XPO5: variants seen among roughly 807,000 people sequenced by gnomAD.
XPO5 encodes exportin-5.
A neutral mutation model predicts 160.6 loss-of-function variants in XPO5; 46 were observed. The observed-to-expected ratio is 0.29, with a 90% confidence interval of 0.23 to 0.37. The LOEUF (loss-of-function observed/expected upper bound fraction) is 0.37, where lower values mean the gene tolerates loss of function less well. Among genes scored for constraint, XPO5 ranks in the 10% least tolerant of loss-of-function variants. The pLI, the probability that XPO5 is intolerant of heterozygous loss-of-function variation, is 1.00. For missense variants in XPO5, 1,090 were observed against 1,463.9 expected (o/e 0.74, Z 4.17); for synonymous variants, 537 against 519.3 (o/e 1.03, Z -0.46).
chr6:43,563,249 C>G (rs1489548676), intron 8 of XPO5, among the ~76,000 whole-genome samples: 1 of 152,158 alleles, frequency 6.6e-6, no homozygotes, highest in African/African-American at 2.4e-5. Flanking sequence ...CTGCAGCCTC[C>G]CAAGTAGCTG....
At position 43,529,351 on chromosome 6, in the gene XPO5, G is replaced by T. The variant is rs546413926; in HGVS notation, c.2678-426C>A. ...GGGTCAAGAGAGCGAGACCATCCTG[G>T]CTAACATGGTGAAACCCCGTCTCTA... On this transcript the variant is annotated intron_variant, in intron 23 of 31. Transcript: ENST00000265351. The T allele has an allele frequency of 2.0e-3, 902 of 452,530 alleles. 7 individuals carry two copies. The highest frequency in any genetic ancestry group is 0.019 in the African/African-American group (771 of 41,294). 28.0% of individuals were successfully genotyped at this position (452,530 alleles called of 1,614,324 possible).
intron 23 of XPO5, 137 bp downstream of exon 23, chr6:43,530,551 T>C (rs1561865987): frequency 6.7e-6 from 7 of 1,037,814 alleles, no homozygotes; most frequent in Non-Finnish European, 9.3e-6. Context: ...GTGTTTTTAA[T>C]GACATGATAC....
chr6:43,537,156 T>G (rs956721972), intron 20 of XPO5, among the ~76,000 whole-genome samples: 29 of 151,230 alleles, frequency 1.9e-4, no homozygotes, highest in Admixed American at 6.6e-4. Context: ...TTTTTTTTTT[T>G]GTAGAGAAAG....
At chr6:43,535,259 C>CA (rs1554133443) in intron 20 of XPO5, among the ~76,000 whole-genome samples, 1 of 147,954 alleles carries the variant, frequency 6.8e-6, no homozygotes, top group Non-Finnish European at 1.5e-5. Context: ...GACTCTGTCT[C>CA]AAAAAACAAC....
chr6:43,542,234 C>G (rs1296717149), intron 20 of XPO5, among the ~76,000 whole-genome samples: 4 of 152,056 alleles, frequency 2.6e-5, no homozygotes, highest in Non-Finnish European at 5.9e-5. Context: ...TACTGTAACA[C>G]TTGACTAGTA....
chr6:43,529,446 C>T (rs1325003472), intron 23 of XPO5: 6 of 317,296 alleles, frequency 1.9e-5, no homozygotes, highest in South Asian at 4.9e-5. Flanking sequence ...CCCAGCTACT[C>T]GAGAAGCTAA....
chr6:43,530,828 T>A lies in XPO5; in HGVS notation c.2541-4A>T. ...TGCCTTCCCTAGGATATGAAAACTG[T>A]AAAGGGGAAAAAAAGAGCATTGAAA... On this transcript the variant is annotated splice_region_variant and splice_polypyrimidine_tract_variant and intron_variant, in intron 22 of 31. Coordinates refer to ENST00000265351, the MANE Select transcript of XPO5 (RefSeq NM_020750.3). 1 of 1,605,876 alleles carries A rather than the reference T, an allele frequency of 6.2e-7. No homozygotes were observed. Among genetic ancestry groups the A allele is most frequent in the Non-Finnish European group, 8.5e-7 (1 of 1,176,900 alleles).
At chr6:43,526,442 A>C (rs936467804) in intron 27 of XPO5, 14 of 544,112 alleles carry the variant, frequency 2.6e-5, no homozygotes, top group African/African-American at 2.5e-4. Context: ...CATTGGAATA[A>C]AGCAAGAGAA....
At chr6:43,570,739 A>C in intron 4 of XPO5, 55 bp from the exon 5 acceptor site, 3 of 1,538,308 alleles carry the variant, frequency 2.0e-6, no homozygotes, top group Non-Finnish European at 2.6e-6. Context: ...CATTTTATGT[A>C]TATCCAAAGG....
At chr6:43,525,817 A>T in intron 28 of XPO5, 22 bp downstream of exon 28, 1 of 1,613,348 alleles carries the variant, frequency 6.2e-7, no homozygotes, top group African/African-American at 1.3e-5. Flanking sequence ...GAGTAAAGGT[A>T]TCACCTGCTC....
At chr6:43,524,721 T>G in intron 30 of XPO5, 86 bp from the exon 31 acceptor site, 1 of 1,586,512 alleles carries the variant, frequency 6.3e-7, no homozygotes, top group Non-Finnish European at 8.6e-7. Context: ...TTCTCAGAGA[T>G]TGCACCAGCA....
At chr6:43,526,865 G>T in intron 26 of XPO5, 118 bp from the exon 27 acceptor site, 17 of 1,016,126 alleles carry the variant, frequency 1.7e-5, no homozygotes, top group Non-Finnish European at 2.6e-5. Context: ...GAAGATGGGG[G>T]TACCGTCCAA....
Position 43,551,290 on chromosome 6 carries a change from C to T in XPO5, c.1728+8G>A, listed in dbSNP as rs1268296196. 1 of 1,595,430 alleles carries T rather than the reference C, an allele frequency of 6.3e-7. No homozygotes were observed. The highest frequency in any genetic ancestry group is 8.5e-7 in the Non-Finnish European group (1 of 1,174,194). ...AAATAAAATTTACAAAGGAGATGGG[C>T]TTTATACCTTAGAGAAGACCTGGGG... On this transcript the variant is annotated splice_region_variant and intron_variant, in intron 15 of 31. Transcript: ENST00000265351.
Position 43,524,988 on chromosome 6 carries a change from T to G in XPO5, c.3175-20A>C, listed in dbSNP as rs746566860. ...CAGCACCTGGGGAGACAACTGTGCT[T>G]TAGGGCCACAGGGGGCCTCTCTCAA... On this transcript the variant is annotated intron_variant, in intron 29 of 31. Coordinates refer to ENST00000265351, the MANE Select transcript of XPO5 (RefSeq NM_020750.3). 1.2e-6 allele frequency: 2 copies of G among 1,611,016 alleles called. No individual in the cohort carries two copies. The highest frequency in any genetic ancestry group is 2.2e-5 in the East Asian group (1 of 44,836).
Position 43,527,674 on chromosome 6 carries a change from T to C in XPO5, c.2880A>G (p.Gln960=), listed in dbSNP as rs372434107. 27 of 1,613,862 alleles carry C rather than the reference T, an allele frequency of 1.7e-5. No homozygotes were observed. Among genetic ancestry groups the C allele is most frequent in the South Asian group, 1.1e-4 (10 of 91,082 alleles). The change falls in exon 26 of 32, where the codon CAA becomes CAG. Residue 960 remains glutamine, a synonymous_variant. Coordinates refer to ENST00000265351, the MANE Select transcript of XPO5 (RefSeq NM_020750.3). ...NPESQEMLEE[Q]LVRMLTREVM... ...CTTCTCGGGTTAACATCCTCACCAG[T>C]TGCTCCTCCAGCATCTCTTGAGACT...
chr6:43,522,484 C>T lies in XPO5; in HGVS notation c.*1384G>A, dbSNP rs1050685202. 1.6e-5 allele frequency: 3 copies of T among 188,166 alleles called. No individual in the cohort carries two copies. The highest frequency in any genetic ancestry group is 1.5e-4 in the South Asian group (2 of 12,926). The allele number at this position is 188,166 out of a possible 1,614,324, so 11.7% of individuals were successfully genotyped here. On this transcript the variant is annotated 3_prime_UTR_variant, in exon 32 of 32. Coordinates refer to ENST00000265351, the MANE Select transcript of XPO5 (RefSeq NM_020750.3). The stretch of plus-strand genomic sequence containing the variant: ...AATGCAATAAATACAACTACATCCT[C>T]CACAGCCCCAACCAGACAGGAATAG...
intron 21 of XPO5, 99 bp from the exon 22 acceptor site, chr6:43,531,674 G>T: frequency 9.9e-7 from 1 of 1,012,038 alleles, no homozygotes; most frequent in Non-Finnish European, 1.6e-6. Flanking sequence ...GGGTGAAGAT[G>T]TGTGCATGTC....
At chr6:43,536,805 T>C (rs1794359014) in intron 20 of XPO5, among the ~76,000 whole-genome samples, 1 of 147,152 alleles carries the variant, frequency 6.8e-6, no homozygotes, top group African/African-American at 2.6e-5. Context: ...CTTTACTTTT[T>C]GGGTTTTAAA....
At chr6:43,544,477 G>C (rs1460485166) in intron 20 of XPO5, among the ~76,000 whole-genome samples, 1 of 152,168 alleles carries the variant, frequency 6.6e-6, no homozygotes, top group Non-Finnish European at 1.5e-5. Flanking sequence ...GTGGCCTCTA[G>C]AGTCAACCAG....
Sources: allele counts gnomAD v4.1 joint callset (sites outside exome capture counted in the v4.1 genomes callset), GRCh38; gene constraint gnomAD v4.1.1; transcripts MANE v1.5; gene names NCBI Gene and HGNC (gene_info 2026-07-23, HGNC 2026-07-21).